Variants in ST6GALNAC5 observed in about 807,000 individuals in gnomAD.
ST6GALNAC5 encodes alpha-N-acetylgalactosaminide alpha-2,6-sialyltransferase 5.
A neutral mutation model predicts 33.6 loss-of-function variants in ST6GALNAC5; 27 were observed. The ratio of observed to expected loss-of-function variants is 0.80; its 90% CI spans 0.59 to 1.11. The LOEUF is 1.11. ST6GALNAC5 is among the 50% of genes least tolerant of loss of function. The pLI, the probability that ST6GALNAC5 is intolerant of heterozygous loss-of-function variation, is 0.00. For missense variants in ST6GALNAC5, 428 were observed against 454.0 expected, an observed-to-expected ratio of 0.94 and a Z score of 0.52; for synonymous variants, 194 against 171.2, an observed-to-expected ratio of 1.13 and a Z score of -1.04.
Position 77,004,706 on chromosome 1 carries a change from AACAG to A in ST6GALNAC5, c.262-39493_262-39490del, listed in dbSNP as rs1445933984. Reference sequence around the variant, plus strand: ...CTTTCTGTTTGTTAGTTTTCCTTCTAACAGACAGGACCCTCAGCTGCAGGTCTGT... The same window carrying A: ...CTTTCTGTTTGTTAGTTTTCCTTCTAACAGGACCCTCAGCTGCAGGTCTGT... On this transcript the variant is annotated intron_variant, in intron 2 of 4. Transcript: ENST00000477717. Among the ~76,000 whole-genome samples the A allele has an allele frequency of 3.4e-5, 4 of 116,956 alleles. 1 individual carries two copies. In the Admixed American group the frequency reaches 3.5e-4, roughly 10 times the overall value. 76.7% of individuals were successfully genotyped at this position (116,956 alleles called of 152,430 possible).
intron 2 of ST6GALNAC5, among the ~76,000 whole-genome samples, chr1:76,903,270 A>AC (rs1646835363): frequency 1.3e-5 from 2 of 152,196 alleles, no homozygotes; most frequent in Non-Finnish European, 2.9e-5. Flanking sequence ...CAAATAGACA[A>AC]AGCACACGGA....
chr1:76,979,831 G>A (rs377020035), intron 2 of ST6GALNAC5, among the ~76,000 whole-genome samples: 1 of 152,114 alleles, frequency 6.6e-6, no homozygotes, highest in East Asian at 1.9e-4. Context: ...GGAGGCTGAG[G>A]CATGATAATC....
chr1:76,893,031 C>A (rs1654046849), intron 2 of ST6GALNAC5, among the ~76,000 whole-genome samples: 1 of 152,132 alleles, frequency 6.6e-6, no homozygotes, highest in South Asian at 2.1e-4. Flanking sequence ...GGTTCCTAGA[C>A]AACAGGATTT....
At chr1:76,947,398 C>T (rs1222394098) in intron 2 of ST6GALNAC5, among the ~76,000 whole-genome samples, 2 of 151,954 alleles carry the variant, frequency 1.3e-5, no homozygotes, top group African/African-American at 4.8e-5. Context: ...AAAGTTTTTC[C>T]TAGTATACAC....
chr1:76,969,779 C>A (rs907175095), intron 2 of ST6GALNAC5, among the ~76,000 whole-genome samples: 69 of 152,098 alleles, frequency 4.5e-4, no homozygotes, highest in African/African-American at 1.4e-3. Flanking sequence ...CCAGTAGTGG[C>A]CGACTGACAC....
chr1:77,061,755 A>G (rs1352125973), intron 4 of ST6GALNAC5, among the ~76,000 whole-genome samples: 1 of 152,148 alleles, frequency 6.6e-6, no homozygotes, highest in African/African-American at 2.4e-5. Context: ...GTGCGTAAAT[A>G]TTTATTAACC....
rs73003318 is a variant in ST6GALNAC5 at position 76,992,379 on chromosome 1, C to T, written c.262-51825C>T. ...CACATAGGTTCTCAGTGTCTTCCTC[C>T]TATAGCACCAAAGGGCCTTCCAGAG... On this transcript the variant is annotated intron_variant, in intron 2 of 4. Transcript: ENST00000477717. Among the ~76,000 whole-genome samples, 271 of 152,320 alleles carry T rather than the reference C, an allele frequency of 1.8e-3. 1 individual carries two copies. The highest frequency in any genetic ancestry group is 6.2e-3 in the African/African-American group (259 of 41,572).
intron 2 of ST6GALNAC5, among the ~76,000 whole-genome samples, chr1:76,888,541 T>A (rs946278106): frequency 2.0e-5 from 3 of 152,198 alleles, no homozygotes; most frequent in Non-Finnish European, 4.4e-5. Context: ...ATTTTCTAAG[T>A]TATTGATATA....
In ST6GALNAC5 at chr1:76,977,453, C is replaced by A. The variant is rs142461593; in HGVS notation, c.262-66751C>A. Among the ~76,000 whole-genome samples, 688 of 152,248 alleles carry A rather than the reference C, an allele frequency of 4.5e-3. 7 individuals are homozygous for A. Among genetic ancestry groups the A allele is most frequent in the African/African-American group, 0.016 (648 of 41,548 alleles). On this transcript the variant is annotated intron_variant, in intron 2 of 4. Coordinates refer to ENST00000477717, the MANE Select transcript of ST6GALNAC5 (RefSeq NM_030965.3). ...TATAACTTTGTACCCACTGACCAAC[C>A]TCTCCCCGTCGTGCTATCCCCTACA...
intron 3 of ST6GALNAC5, among the ~76,000 whole-genome samples, chr1:77,045,465 TAAA>T (rs1474754644): frequency 6.6e-6 from 1 of 152,194 alleles, no homozygotes. Flanking sequence ...GAATGTAAAA[TAAA>T]TATCACTGAA....
intron 2 of ST6GALNAC5, among the ~76,000 whole-genome samples, chr1:76,996,772 T>A (rs1482793351): frequency 1.3e-5 from 2 of 152,210 alleles, no homozygotes; most frequent in Admixed American, 6.5e-5. Context: ...ATATATTTTA[T>A]CTTTTCCCTT....
chr1:77,003,654 G>A (rs1485879483), intron 2 of ST6GALNAC5, among the ~76,000 whole-genome samples: 5 of 151,988 alleles, frequency 3.3e-5, no homozygotes, highest in African/African-American at 7.2e-5. Context: ...CATGTTTAGC[G>A]CTTCCTTCAG....
At chr1:76,960,350 T>C (rs1245315650) in intron 2 of ST6GALNAC5, among the ~76,000 whole-genome samples, 2 of 151,856 alleles carry the variant, frequency 1.3e-5, no homozygotes, top group Non-Finnish European at 2.9e-5. Context: ...ATGAATAGGG[T>C]GTGGGTTACA....
At chr1:77,034,172 G>A (rs1030516631) in intron 2 of ST6GALNAC5, among the ~76,000 whole-genome samples, 2 of 152,024 alleles carry the variant, frequency 1.3e-5, no homozygotes, top group Non-Finnish European at 2.9e-5. Context: ...TTGGCACAGC[G>A]CTTGTTCCCC....
At chr1:76,886,806 G>A (rs148154986) in intron 2 of ST6GALNAC5, among the ~76,000 whole-genome samples, 2,050 of 152,122 alleles carry the variant, frequency 0.013, 47 homozygotes, top group African/African-American at 0.046. Flanking sequence ...TTCAATATTT[G>A]TCATCTTGTG....
chr1:76,894,311 T>G (rs1698827), intron 2 of ST6GALNAC5, among the ~76,000 whole-genome samples: 3,347 of 152,278 alleles, frequency 0.022, 112 homozygotes, highest in African/African-American at 0.077. Context: ...TTGACCCAGA[T>G]AGGCCTGTTG....
chr1:76,874,062 T>A (rs1232384706), intron 2 of ST6GALNAC5, among the ~76,000 whole-genome samples: 1 of 152,194 alleles, frequency 6.6e-6, no homozygotes, highest in Non-Finnish European at 1.5e-5. Flanking sequence ...AAAAAGGAGA[T>A]AATTTCTGTG....
chr1:76,974,773 C>CTTTTT (rs60357939), intron 2 of ST6GALNAC5, among the ~76,000 whole-genome samples: 1,340 of 35,228 alleles, frequency 0.038, 263 homozygotes, highest in African/African-American at 0.049. Flanking sequence ...TTCTTTCTTT[C>CTTTTT]TTTTTTTTTT....
intron 2 of ST6GALNAC5, among the ~76,000 whole-genome samples, chr1:76,875,094 C>T (rs929179138): frequency 6.6e-6 from 1 of 152,192 alleles, no homozygotes; most frequent in Non-Finnish European, 1.5e-5. Flanking sequence ...TATACATGCA[C>T]AAACGTTTTT....
Sources: gnomAD v4.1 joint callset for allele counts (sites outside exome capture counted in the v4.1 genomes callset) on GRCh38, gnomAD v4.1.1 for gene constraint, MANE v1.5 for transcripts, NCBI Gene and HGNC (gene_info 2026-07-23, HGNC 2026-07-21) for gene names.